Variants in TBC1D22A observed in about 807,000 individuals in gnomAD.
The protein encoded by TBC1D22A is putative GTPase activator.
In TBC1D22A, 38 loss-of-function variants were observed where a neutral mutation model predicts 60.2. The observed-to-expected ratio is 0.63, with a 90% CI of 0.49 to 0.83. The LOEUF (loss-of-function observed/expected upper bound fraction) is 0.83, where lower values mean the gene tolerates loss of function less well. Ranked by LOEUF, TBC1D22A falls within the 40% of genes least tolerant of loss-of-function variation. The pLI, the probability that TBC1D22A is intolerant of heterozygous loss-of-function variation, is 0.00. For missense variants in TBC1D22A, 628 were observed against 701.0 expected (o/e 0.90, Z 1.18); for synonymous variants, 302 against 281.7 (o/e 1.07, Z -0.72).
At chr22:46,938,000 A>T (rs917800158) in intron 8 of TBC1D22A, among the ~76,000 whole-genome samples, 4 of 152,230 alleles carry the variant, frequency 2.6e-5, no homozygotes, top group African/African-American at 9.7e-5. Flanking sequence ...AAAAAGGTAC[A>T]TTAACTAAAG....
intron 5 of TBC1D22A, among the ~76,000 whole-genome samples, chr22:46,884,598 C>A (rs781434197): frequency 5.3e-5 from 8 of 152,200 alleles, no homozygotes; most frequent in African/African-American, 1.9e-4. Flanking sequence ...CCAGTCAACA[C>A]CCTGGGCTTG....
chr22:47,143,536 T>C (rs2067181636), intron 12 of TBC1D22A, among the ~76,000 whole-genome samples: 1 of 152,210 alleles, frequency 6.6e-6, no homozygotes, highest in South Asian at 2.1e-4. Flanking sequence ...GGAATGGTGC[T>C]CCACCTGGAA....
intron 12 of TBC1D22A, among the ~76,000 whole-genome samples, chr22:47,146,322 ACT>A (rs894760612): frequency 2.0e-5 from 3 of 151,818 alleles, no homozygotes; most frequent in African/African-American, 4.8e-5. Context: ...GGGTTGATGA[ACT>A]CTCTCTCTCC....
chr22:46,916,670 C>T (rs1365470117), intron 8 of TBC1D22A, among the ~76,000 whole-genome samples: 2 of 152,232 alleles, frequency 1.3e-5, no homozygotes, highest in Non-Finnish European at 2.9e-5. Flanking sequence ...GTTTGAGTGG[C>T]ACCCACCAGT....
At chr22:46,940,271 C>T (rs2071908104) in intron 8 of TBC1D22A, among the ~76,000 whole-genome samples, 1 of 152,086 alleles carries the variant, frequency 6.6e-6, no homozygotes, top group African/African-American at 2.4e-5. Context: ...TACAGACCTT[C>T]AGTTTGTAAA....
intron 11 of TBC1D22A, among the ~76,000 whole-genome samples, chr22:47,106,403 G>C (rs1215224861): frequency 1.3e-5 from 2 of 152,234 alleles, no homozygotes; most frequent in Non-Finnish European, 2.9e-5. Flanking sequence ...CAAGCAGCCA[G>C]AGAGGAAAGT....
At chr22:46,959,833 C>T (rs1394531175) in intron 8 of TBC1D22A, among the ~76,000 whole-genome samples, 1 of 152,210 alleles carries the variant, frequency 6.6e-6, no homozygotes, top group East Asian at 1.9e-4. Flanking sequence ...TTTCTAATGA[C>T]CTGCCATCGG....
chr22:46,984,491 G>A (rs1421571990), intron 9 of TBC1D22A, among the ~76,000 whole-genome samples: 1 of 145,198 alleles, frequency 6.9e-6, no homozygotes, highest in African/African-American at 2.5e-5. Flanking sequence ...TTCACTAACA[G>A]CACTCATGCC....
intron 4 of TBC1D22A, among the ~76,000 whole-genome samples, chr22:46,867,230 T>C (rs1289675218): frequency 3.9e-5 from 6 of 152,218 alleles, no homozygotes; most frequent in African/African-American, 1.4e-4. Context: ...TTTGGAAGGT[T>C]GCAAAAGATG....
intron 7 of TBC1D22A, among the ~76,000 whole-genome samples, chr22:46,897,120 T>C (rs1254738761): frequency 6.6e-6 from 1 of 152,134 alleles, no homozygotes; most frequent in East Asian, 1.9e-4. Flanking sequence ...CTTGGTGCTT[T>C]GAACAAAGAA....
chr22:46,949,784 G>T (rs1445205851), intron 8 of TBC1D22A, among the ~76,000 whole-genome samples: 2 of 152,350 alleles, frequency 1.3e-5, no homozygotes, highest in Admixed American at 6.5e-5. Context: ...TTTAATGCTG[G>T]CTCAGCAAGG....
At chr22:47,133,760 C>G (rs2147122890) in intron 12 of TBC1D22A, among the ~76,000 whole-genome samples, 1 of 152,334 alleles carries the variant, frequency 6.6e-6, no homozygotes, top group Non-Finnish European at 1.5e-5. Flanking sequence ...GGCCCTGTGC[C>G]TGCGCGAGGC....
intron 8 of TBC1D22A, among the ~76,000 whole-genome samples, chr22:46,963,821 C>T (rs145836674): frequency 6.6e-6 from 1 of 152,350 alleles, no homozygotes; most frequent in Non-Finnish European, 1.5e-5. Context: ...CAAGCTTCTC[C>T]AGCCTTTGCC....
At chr22:47,164,516 G>A (rs919808773) in intron 12 of TBC1D22A, among the ~76,000 whole-genome samples, 5 of 152,248 alleles carry the variant, frequency 3.3e-5, no homozygotes, top group Non-Finnish European at 5.9e-5. Flanking sequence ...TGGCCTGTGT[G>A]TCGAGTGCTG....
chr22:47,104,342 AT>A (rs1443271596), intron 11 of TBC1D22A, among the ~76,000 whole-genome samples: 2 of 151,602 alleles, frequency 1.3e-5, no homozygotes, highest in South Asian at 2.1e-4. Flanking sequence ...ACATAGCTAG[AT>A]TTTTTTCTTC....
intron 12 of TBC1D22A, among the ~76,000 whole-genome samples, chr22:47,121,657 C>G (rs1338252163): frequency 6.6e-6 from 1 of 152,066 alleles, no homozygotes; most frequent in African/African-American, 2.4e-5. Flanking sequence ...CGGTGCTAGC[C>G]TGACTTAGTT....
intron 5 of TBC1D22A, 26 bp from the exon 6 acceptor site, chr22:46,891,240 A>C: frequency 4.4e-6 from 7 of 1,592,364 alleles, no homozygotes; most frequent in Non-Finnish European, 6.0e-6. Flanking sequence ...ATAACCATGT[A>C]TATTTTTTGT....
chr22:46,820,493 C>T (rs1025276674), intron 4 of TBC1D22A, among the ~76,000 whole-genome samples: 2 of 152,022 alleles, frequency 1.3e-5, no homozygotes, highest in South Asian at 4.1e-4. Flanking sequence ...CATTATGTAC[C>T]CAGGAGTCAT....
intron 11 of TBC1D22A, among the ~76,000 whole-genome samples, chr22:47,086,386 C>T (rs1462289684): frequency 3.9e-5 from 6 of 152,118 alleles, no homozygotes; most frequent in Admixed American, 6.5e-5. Context: ...ACCTGGGAGG[C>T]GGAGGTTGCG....
Sources: allele counts gnomAD v4.1 joint callset (sites outside exome capture counted in the v4.1 genomes callset), GRCh38; gene constraint gnomAD v4.1.1; transcripts MANE v1.5; gene names NCBI Gene and HGNC (gene_info 2026-07-23, HGNC 2026-07-21).